KCNT1: variants seen among roughly 807,000 people sequenced by gnomAD.
The protein encoded by KCNT1 is potassium channel subfamily T member 1.
A neutral mutation model predicts 147.8 loss-of-function variants in KCNT1; 78 were observed. The ratio of observed to expected loss-of-function variants is 0.53; its 90% CI spans 0.44 to 0.64. KCNT1 has a LOEUF of 0.64. Among genes scored for constraint, KCNT1 ranks in the 30% least tolerant of loss-of-function variants. The pLI is 0.00. For synonymous variants in KCNT1, 867 were observed against 748.8 expected (o/e 1.16, Z -2.58); for missense variants, 1,419 against 1,750.3 (o/e 0.81, Z 3.38).
At chr9:135,704,358 T>C (rs1835163894) in intron 1 of KCNT1, among the ~76,000 whole-genome samples, 1 of 152,192 alleles carries the variant, frequency 6.6e-6, no homozygotes, top group African/African-American at 2.4e-5. Context: ...AACCCCCAGC[T>C]CCACGCTAGT....
At position 135,750,081 on chromosome 9, in the gene KCNT1, CCT is replaced by C. The variant is rs760287830; in HGVS notation, c.255-12_255-11del. On this transcript the variant is annotated splice_polypyrimidine_tract_variant and intron_variant, in intron 2 of 30. Coordinates refer to ENST00000371757, the MANE Select transcript of KCNT1 (RefSeq NM_020822.3). The stretch of plus-strand genomic sequence containing the variant: ...CCCACTGGCCCTGAGCCTCCATGCC[CCT>C]CTCTGCTTCTTCAGGGTCCAGGTGG... The C allele has an allele frequency of 3.3e-5, 53 of 1,610,442 alleles. No individual in the cohort carries two copies. The South Asian group carries it at 3.8e-4, about 12-fold the overall frequency.
chr9:135,718,181 C>T (rs1313526236), intron 2 of KCNT1, among the ~76,000 whole-genome samples: 1 of 152,222 alleles, frequency 6.6e-6, no homozygotes, highest in East Asian at 1.9e-4. Context: ...ATCCCCAGTG[C>T]CTGTGCCTTC....
At chr9:135,775,446 C>T (rs1040568661) in intron 20 of KCNT1, 31 bp downstream of exon 20, 29 of 1,534,586 alleles carry the variant, frequency 1.9e-5, no homozygotes, top group Non-Finnish European at 2.1e-5. Context: ...GCGCTCTGCA[C>T]CCCCAGACGC....
chr9:135,768,569 C>T (rs1264124084), intron 13 of KCNT1, 41 bp from the exon 14 acceptor site: 4 of 1,528,098 alleles, frequency 2.6e-6, no homozygotes, highest in Non-Finnish European at 3.5e-6. Flanking sequence ...CACTGCCCAC[C>T]TCCCCTGCTC....
At chr9:135,705,920 G>A (rs1835236134) in intron 1 of KCNT1, among the ~76,000 whole-genome samples, 1 of 147,780 alleles carries the variant, frequency 6.8e-6, no homozygotes, top group Non-Finnish European at 1.5e-5. Context: ...GGGGAGGTGG[G>A]AGAGGAGGGT....
chr9:135,749,525 C>G (rs552260085), intron 2 of KCNT1, among the ~76,000 whole-genome samples: 1 of 152,136 alleles, frequency 6.6e-6, no homozygotes, highest in East Asian at 1.9e-4. Context: ...AGCTGGCCTG[C>G]GAGGTGGGTG....
chr9:135,769,089 CTG>C lies in KCNT1; in HGVS notation c.1510+153_1510+154del, dbSNP rs1384484139. On this transcript the variant is annotated intron_variant, in intron 15 of 30. Coordinates refer to ENST00000371757, the MANE Select transcript of KCNT1 (RefSeq NM_020822.3). ...TGTGCACACGTGGGTGACGGTGCGT[CTG>C]GGGCAGGATGCGTGTGCACACGTGG... 4.8e-6 allele frequency: 3 copies of C among 625,344 alleles called. 1 individual carries two copies. The highest frequency in any genetic ancestry group is 4.0e-5 in the African/African-American group (2 of 49,564). The allele number at this position is 625,344 out of a possible 1,614,324, so 38.7% of individuals were successfully genotyped here.
chr9:135,759,188 C>T (rs977724443), intron 10 of KCNT1, among the ~76,000 whole-genome samples: 11 of 152,224 alleles, frequency 7.2e-5, no homozygotes, highest in Non-Finnish European at 1.0e-4. Flanking sequence ...CCCATTAGAC[C>T]TCCCAGCCTC....
rs993073558 is a variant in KCNT1, at chr9:135,774,164, G to A, written c.2244-1146G>A. Among the ~76,000 whole-genome samples, 9 of 151,298 alleles carry A rather than the reference G, an allele frequency of 5.9e-5. No homozygotes were observed. In the South Asian group the frequency reaches 1.5e-3, roughly 25 times the overall value. On this transcript the variant is annotated intron_variant, in intron 19 of 30. Transcript: ENST00000371757. The stretch of plus-strand genomic sequence containing the variant: ...TGTGATGTGTGTCTGGGTGTGTGTG[G>A]TATGTGTCCGTGTGTGTGATGTGTG...
Position 135,765,211 on chromosome 9 carries a change from G to A in KCNT1, c.1200+16G>A, listed in dbSNP as rs542132567. Reference sequence around the variant, plus strand: ...CCGGCTCCAGGTGAGGCCCCTTACCGTGGCCCAGCAGACGACTCCCTCCCG... The same window carrying A: ...CCGGCTCCAGGTGAGGCCCCTTACCATGGCCCAGCAGACGACTCCCTCCCG... On this transcript the variant is annotated intron_variant, in intron 12 of 30. Transcript: ENST00000371757. The A allele has an allele frequency of 1.1e-5, 18 of 1,602,920 alleles. No individual in the cohort carries two copies. The highest frequency in any genetic ancestry group is 5.5e-5 in the South Asian group (5 of 90,850).
At chr9:135,773,175 TGGG>T (rs1224333798) in intron 19 of KCNT1, among the ~76,000 whole-genome samples, 1 of 152,148 alleles carries the variant, frequency 6.6e-6, no homozygotes, top group African/African-American at 2.4e-5. Flanking sequence ...GTCACTGAGA[TGGG>T]GTGTGCTGGG....
chr9:135,771,665 C>A (rs1025032801), intron 18 of KCNT1, among the ~76,000 whole-genome samples: 3 of 152,220 alleles, frequency 2.0e-5, no homozygotes, highest in Non-Finnish European at 4.4e-5. Flanking sequence ...TCTTCTCGTG[C>A]CTTCAGGGAT....
Position 135,779,460 on chromosome 9 carries a change from A to C in KCNT1, c.2831A>C (p.Lys944Thr). ...AKDSYSLALS[K>T]LEKRERENGS... Reference sequence around the variant, plus strand: ...GACAGCTACTCTCTGGCTCTTTCCAAACTAGAAAAGGTGAGCAGCCCTGCC... The same window carrying C: ...GACAGCTACTCTCTGGCTCTTTCCACACTAGAAAAGGTGAGCAGCCCTGCC... The change falls in exon 24 of 31, where the codon AAA (lysine) becomes ACA (threonine). Residue 944 changes from lysine to threonine, a missense_variant. Lys to Thr is a moderately conservative substitution (Grantham distance 78). Transcript: ENST00000371757. The C allele has an allele frequency of 6.2e-7, 1 of 1,611,530 alleles. No homozygotes were observed. Among genetic ancestry groups the C allele is most frequent in the Non-Finnish European group, 8.5e-7 (1 of 1,177,918 alleles).
intron 2 of KCNT1, among the ~76,000 whole-genome samples, chr9:135,745,566 G>A (rs1830786276): frequency 6.6e-6 from 1 of 152,248 alleles, no homozygotes; most frequent in Non-Finnish European, 1.5e-5. Context: ...CACCGGGGCA[G>A]CCTCTCAATG....
Position 135,702,232 on chromosome 9 carries a change from C to T in KCNT1, c.-27C>T, listed in dbSNP as rs550838618. 9 of 1,553,044 alleles carry T rather than the reference C, an allele frequency of 5.8e-6. No individual in the cohort carries two copies. Among genetic ancestry groups the T allele is most frequent in the Middle Eastern group, 1.7e-4 (1 of 5,902 alleles). On this transcript the variant is annotated 5_prime_UTR_variant, in exon 1 of 31. Transcript: ENST00000371757. ...TGGCGGCTCCCACTCGCTTCTCCCT[C>T]GGGTCGGGTCCGAGCTGCCAGGCCG...
At chr9:135,716,890 G>T (rs563497359) in intron 2 of KCNT1, among the ~76,000 whole-genome samples, 1 of 152,232 alleles carries the variant, frequency 6.6e-6, no homozygotes, top group Admixed American at 6.5e-5. Flanking sequence ...GAGCTTCGGG[G>T]CTGTGTGGTC....
At chr9:135,783,974 A>C in intron 24 of KCNT1, 50 bp from the exon 25 acceptor site, 1 of 1,474,682 alleles carries the variant, frequency 6.8e-7, no homozygotes, top group Non-Finnish European at 9.4e-7. Context: ...CTGCCGTGCC[A>C]CTGGAGGGAC....
At position 135,777,297 on chromosome 9, in the gene KCNT1, ACAGCCCTGACTC is replaced by A. The variant is rs374463149; in HGVS notation, c.2350-24_2350-13del. Reference sequence around the variant, plus strand: ...AGGGCTCCAGTGGCCAGCAGGAACCACAGCCCTGACTCCAGCCCTGACTCCAGCATCTGCCCC... The same window carrying A: ...AGGGCTCCAGTGGCCAGCAGGAACCACAGCCCTGACTCCAGCATCTGCCCC... On this transcript the variant is annotated intron_variant, in intron 20 of 30. Transcript: ENST00000371757. The A allele has an allele frequency of 6.6e-3, 10,522 of 1,591,148 alleles. 59 individuals are homozygous for A. Among genetic ancestry groups the A allele is most frequent in the African/African-American group, 0.018 (1,379 of 74,560 alleles).
Position 135,770,045 on chromosome 9 carries a change from T to C in KCNT1, c.1609T>C (p.Ser537Pro). 1 of 1,550,766 alleles carries C rather than the reference T, an allele frequency of 6.4e-7. No individual in the cohort carries two copies. The highest frequency in any genetic ancestry group is 8.7e-7 in the Non-Finnish European group (1 of 1,147,556). The change falls in exon 16 of 31, where the codon TCC (serine) becomes CCC (proline). Residue 537 changes from serine (S) to proline (P), a missense_variant. This residue lies in a region of KCNT1 where 401 missense variants were observed against 610.6 expected (regional missense o/e 0.66). Transcript: ENST00000371757. ...CCTCATCACCCTGCTGGTGCACACGTCCCGCGGCCAGTGAGTGCCCCGTGC... is the reference window on the plus strand; with the variant it reads ...CCTCATCACCCTGCTGGTGCACACGCCCCGCGGCCAGTGAGTGCCCCGTGC... ...STLITLLVHT[S>P]RGQEGQESPE...
Sources: gnomAD v4.1 joint callset for allele counts (sites outside exome capture counted in the v4.1 genomes callset) on GRCh38, gnomAD v4.1.1 for gene constraint, gnomAD v4.1.1 regional missense constraint, MANE v1.5 for transcripts, NCBI Gene and HGNC (gene_info 2026-07-23, HGNC 2026-07-21) for gene names.